The following LAMA2 variants were observed in gnomAD, a reference collection of about 807,000 sequenced individuals.
The protein encoded by LAMA2 is laminin subunit alpha-2.
In LAMA2, 269 loss-of-function variants were observed where a neutral mutation model predicts 364.8. That is an observed-to-expected ratio of 0.74 (90% CI 0.67 to 0.82). The LOEUF (loss-of-function observed/expected upper bound fraction) is 0.82, where lower values mean the gene tolerates loss of function less well. Ranked by LOEUF, LAMA2 falls within the 40% of genes least tolerant of loss-of-function variation. The pLI is 0.00. For synonymous variants in LAMA2, 1,379 were observed against 1,370.6 expected, an observed-to-expected ratio of 1.01 and a Z score of -0.14; for missense variants, 3,807 against 3,873.2, an observed-to-expected ratio of 0.98 and a Z score of 0.45.
In LAMA2 at chr6:129,165,667, C is replaced by T. The variant is rs1196432380; in HGVS notation, c.1298C>T (p.Ala433Val). The change falls in exon 9 of 65, where the codon GCT becomes GTT. Residue 433 changes from alanine (A) to valine (V), a missense_variant. This residue lies in a region of LAMA2 where 3,333 missense variants were observed against 3,345.7 expected (regional missense o/e 1.00). Coordinates refer to ENST00000421865, the MANE Select transcript of LAMA2 (RefSeq NM_000426.4). ...NEVCVKDEKHARRGLAPGSCH... is the reference protein window; with the variant it reads ...NEVCVKDEKHVRRGLAPGSCH... ...GTCTGTGTCAAGGATGAGAAACATG[C>T]TCGACGAGGTGAGAGCTGCAGCAGA... 6.2e-7 allele frequency: 1 copy of T among 1,602,758 alleles called. No homozygotes were observed. Among genetic ancestry groups the T allele is most frequent in the Non-Finnish European group, 8.5e-7 (1 of 1,170,294 alleles).
intron 4 of LAMA2, among the ~76,000 whole-genome samples, chr6:129,101,995 C>T (rs183263841): frequency 6.1e-4 from 93 of 152,132 alleles, no homozygotes; most frequent in Non-Finnish European, 9.6e-4. Context: ...GTATTTTCTT[C>T]TGGATTACTT....
intron 59 of LAMA2, 71 bp downstream of exon 59, chr6:129,502,842 T>G (rs1036071912): frequency 3.0e-5 from 30 of 995,362 alleles, no homozygotes; most frequent in Non-Finnish European, 4.8e-5. Context: ...TTAATCAAGT[T>G]GAATCTACTA....
At chr6:129,173,931 G>C (rs1780388507) in intron 9 of LAMA2, among the ~76,000 whole-genome samples, 1 of 152,020 alleles carries the variant, frequency 6.6e-6, no homozygotes, top group Admixed American at 6.6e-5. Context: ...AGATTTGTAA[G>C]AGCACTTTAA....
chr6:128,889,486 A>G (rs1056379772), intron 1 of LAMA2, among the ~76,000 whole-genome samples: 1 of 152,126 alleles, frequency 6.6e-6, no homozygotes, highest in Non-Finnish European at 1.5e-5. Context: ...GGCCTAATTT[A>G]ATTCTGTCAT....
At chr6:129,136,147 C>T (rs1162473267) in intron 4 of LAMA2, among the ~76,000 whole-genome samples, 1 of 151,838 alleles carries the variant, frequency 6.6e-6, no homozygotes, top group Admixed American at 6.6e-5. Context: ...CCAATGGGAA[C>T]GATACCAGGA....
chr6:129,142,531 A>AG (rs1195047046), intron 4 of LAMA2, among the ~76,000 whole-genome samples: 2 of 151,954 alleles, frequency 1.3e-5, no homozygotes, highest in African/African-American at 2.4e-5. Flanking sequence ...GAATTTTAGT[A>AG]GGGGGGAGGC....
At chr6:129,031,793 T>C (rs1424540908) in intron 1 of LAMA2, among the ~76,000 whole-genome samples, 1 of 151,786 alleles carries the variant, frequency 6.6e-6, no homozygotes, top group African/African-American at 2.4e-5. Context: ...GCACACAATT[T>C]ATGTACTAAA....
chr6:129,288,312 G>A (rs539292364), intron 19 of LAMA2, among the ~76,000 whole-genome samples: 8 of 152,026 alleles, frequency 5.3e-5, no homozygotes, highest in South Asian at 4.2e-4. Flanking sequence ...ATTTACATGC[G>A]GAAGGAAGAT....
At chr6:129,369,493 G>C (rs2114626388) in intron 33 of LAMA2, among the ~76,000 whole-genome samples, 1 of 152,162 alleles carries the variant, frequency 6.6e-6, no homozygotes, top group East Asian at 1.9e-4. Flanking sequence ...AATTGGAATG[G>C]GAGCCTTAAA....
chr6:129,129,045 A>G (rs758164401), intron 4 of LAMA2, among the ~76,000 whole-genome samples: 2 of 152,348 alleles, frequency 1.3e-5, no homozygotes, highest in Middle Eastern at 3.4e-3. Context: ...ATTCTGGGTG[A>G]TGGAGGAAAT....
At chr6:129,424,208 T>C (rs948763446) in intron 40 of LAMA2, among the ~76,000 whole-genome samples, 1 of 152,010 alleles carries the variant, frequency 6.6e-6, no homozygotes, top group Non-Finnish European at 1.5e-5. Context: ...TCTTGCACCA[T>C]ATTCCAAAAT....
intron 1 of LAMA2, among the ~76,000 whole-genome samples, chr6:129,011,609 G>A (rs1343291022): frequency 6.6e-6 from 1 of 152,120 alleles, no homozygotes; most frequent in Non-Finnish European, 1.5e-5. Flanking sequence ...ATTGGAGGTG[G>A]CAATAGTGTG....
chr6:129,219,289 A>G (rs1211496167), intron 12 of LAMA2, among the ~76,000 whole-genome samples: 1 of 152,324 alleles, frequency 6.6e-6, no homozygotes, highest in East Asian at 1.9e-4. Context: ...ACCATCTCAC[A>G]CCAATTAGAA....
chr6:128,977,980 CT>C (rs1562888247), intron 1 of LAMA2, among the ~76,000 whole-genome samples: 1 of 152,108 alleles, frequency 6.6e-6, no homozygotes, highest in East Asian at 1.9e-4. Flanking sequence ...ATGAGTTGTC[CT>C]TCTTTTAAAG....
intron 1 of LAMA2, among the ~76,000 whole-genome samples, chr6:129,019,503 A>C (rs913430381): frequency 3.3e-5 from 5 of 151,562 alleles, no homozygotes; most frequent in African/African-American, 1.2e-4. Flanking sequence ...TTTGTCCAAG[A>C]GTCATATTAA....
intron 4 of LAMA2, among the ~76,000 whole-genome samples, chr6:129,132,143 A>T (rs1025373700): frequency 2.6e-5 from 4 of 151,032 alleles, no homozygotes; most frequent in Non-Finnish European, 4.4e-5. Context: ...AGGGGATTTG[A>T]GCTAGAAAGA....
intron 1 of LAMA2, among the ~76,000 whole-genome samples, chr6:128,959,584 GCTTCT>G (rs1781355103): frequency 6.6e-6 from 1 of 152,048 alleles, no homozygotes; most frequent in Non-Finnish European, 1.5e-5. Flanking sequence ...TATCTGGAAT[GCTTCT>G]CCCCAAGATA....
At chr6:129,222,406 G>A (rs923973742) in intron 12 of LAMA2, among the ~76,000 whole-genome samples, 1 of 151,426 alleles carries the variant, frequency 6.6e-6, no homozygotes, top group Non-Finnish European at 1.5e-5. Context: ...GGTTTGTTAT[G>A]TATGTGTACA....
chr6:128,959,538 G>GT (rs963695394), intron 1 of LAMA2, among the ~76,000 whole-genome samples: 1 of 152,062 alleles, frequency 6.6e-6, no homozygotes. Flanking sequence ...ACTGAAGTGT[G>GT]TTTCCACTTC....
Sources: allele counts gnomAD v4.1 joint callset (sites outside exome capture counted in the v4.1 genomes callset), GRCh38; gene constraint gnomAD v4.1.1; regional missense constraint gnomAD v4.1.1; transcripts MANE v1.5; gene names NCBI Gene and HGNC (gene_info 2026-07-23, HGNC 2026-07-21).